Variants in SCLT1 observed in about 807,000 individuals in gnomAD.
SCLT1 encodes the protein sodium channel-associated protein 1.
Under a neutral mutation model 112.8 loss-of-function variants are expected in SCLT1, and 78 were observed. That is an observed-to-expected ratio of 0.69 (90% CI 0.58 to 0.83). The LOEUF (loss-of-function observed/expected upper bound fraction) is 0.83. Among genes scored for constraint, SCLT1 ranks in the 40% least tolerant of loss-of-function variants. SCLT1 has a pLI of 0.00. For synonymous variants in SCLT1, 257 were observed against 254.7 expected, an observed-to-expected ratio of 1.01 and a Z score of -0.09; for missense variants, 747 against 770.4, an observed-to-expected ratio of 0.97 and a Z score of 0.36.
At chr4:128,998,682 A>G (rs1004757922) in intron 7 of SCLT1, among the ~76,000 whole-genome samples, 2 of 151,764 alleles carry the variant, frequency 1.3e-5, no homozygotes, top group Non-Finnish European at 3.0e-5. Context: ...TGGTTTTTAA[A>G]TCTCAGAGGT....
intron 18 of SCLT1, among the ~76,000 whole-genome samples, chr4:128,909,979 TG>T: frequency 6.6e-6 from 1 of 151,736 alleles, no homozygotes; most frequent in South Asian, 2.1e-4. Flanking sequence ...TGGAATAGAG[TG>T]GGGAAAAATT....
chr4:128,922,175 C>T (rs1364515396), intron 18 of SCLT1, among the ~76,000 whole-genome samples: 7 of 151,970 alleles, frequency 4.6e-5, no homozygotes, highest in African/African-American at 1.2e-4. Flanking sequence ...GTGGAGAAAA[C>T]GGAATGCCTA....
intron 18 of SCLT1, among the ~76,000 whole-genome samples, chr4:128,929,163 A>G (rs748655199): frequency 1.3e-5 from 2 of 152,208 alleles, no homozygotes; most frequent in Non-Finnish European, 2.9e-5. Flanking sequence ...AAGTAAGGTC[A>G]CTGGTTAAAG....
chr4:128,890,790 G>A (rs908555944), intron 19 of SCLT1, among the ~76,000 whole-genome samples: 3 of 152,078 alleles, frequency 2.0e-5, no homozygotes, highest in Non-Finnish European at 4.4e-5. Flanking sequence ...AGAATAAAGG[G>A]GATCCTAATA....
chr4:128,934,255 G>A (rs577559767), intron 18 of SCLT1, among the ~76,000 whole-genome samples: 13 of 151,812 alleles, frequency 8.6e-5, no homozygotes, highest in Non-Finnish European at 1.8e-4. Flanking sequence ...ACACAAATGT[G>A]TGTACATATG....
intron 18 of SCLT1, among the ~76,000 whole-genome samples, chr4:128,910,361 C>T (rs771968682): frequency 1.3e-5 from 2 of 152,252 alleles, no homozygotes; most frequent in Admixed American, 6.5e-5. Flanking sequence ...GCTGAACTTG[C>T]TTTGCTATGT....
At chr4:129,030,200 C>T (rs1746575304) in intron 5 of SCLT1, among the ~76,000 whole-genome samples, 1 of 152,132 alleles carries the variant, frequency 6.6e-6, no homozygotes, top group African/African-American at 2.4e-5. Flanking sequence ...ACAACCTGTT[C>T]CTGAATGACT....
intron 8 of SCLT1, among the ~76,000 whole-genome samples, chr4:128,994,565 TTTTA>T (rs1742846500): frequency 6.6e-6 from 1 of 152,106 alleles, no homozygotes; most frequent in Admixed American, 6.6e-5. Flanking sequence ...GTAGTTATAT[TTTTA>T]TTTTTTTGAG....
intron 9 of SCLT1, among the ~76,000 whole-genome samples, chr4:128,983,652 G>T (rs924185919): frequency 6.6e-6 from 1 of 152,078 alleles, no homozygotes. Context: ...GTGAATGAAG[G>T]TTCTTAAGAA....
intron 5 of SCLT1, among the ~76,000 whole-genome samples, chr4:129,031,746 C>T (rs1644075255): frequency 6.6e-6 from 1 of 152,082 alleles, no homozygotes; most frequent in African/African-American, 2.4e-5. Context: ...AGGAATCCAA[C>T]TTACAAGGGA....
chr4:128,955,829 A>G (rs1739171982), intron 13 of SCLT1, among the ~76,000 whole-genome samples: 1 of 152,220 alleles, frequency 6.6e-6, no homozygotes, highest in Admixed American at 6.5e-5. Context: ...TACTTAAAAA[A>G]ATCAACTTGG....
intron 5 of SCLT1, among the ~76,000 whole-genome samples, chr4:129,021,683 A>G (rs1359318358): frequency 3.3e-5 from 5 of 152,206 alleles, no homozygotes; most frequent in African/African-American, 4.8e-5. Flanking sequence ...GGCCCTACAG[A>G]CAAAATCCCC....
chr4:128,878,643 A>T (rs374312026), intron 3 of SCLT1, among the ~76,000 whole-genome samples: 42 of 152,216 alleles, frequency 2.8e-4, no homozygotes, highest in African/African-American at 9.6e-4. Flanking sequence ...GAAATTATGC[A>T]TTATATCACT....
chr4:129,093,358 G>A lies in SCLT1; in HGVS notation c.-255C>T. The A allele has an allele frequency of 1.8e-6, 1 of 557,856 alleles. No individual in the cohort carries two copies. The highest frequency in any genetic ancestry group is 3.2e-6 in the Non-Finnish European group (1 of 311,390). The allele number at this position is 557,856 out of a possible 1,614,324, so 34.6% of individuals were successfully genotyped here. A position where few individuals can be genotyped will look rare whatever the true frequency, so the allele number is the denominator to read the frequency against. ...TCCACGTTCAACCGAATCCCACGCTGGTGGGAAGAGGACGCGGTCGATACA... is the reference window on the plus strand; with the variant it reads ...TCCACGTTCAACCGAATCCCACGCTAGTGGGAAGAGGACGCGGTCGATACA... On this transcript the variant is annotated 5_prime_UTR_variant, in exon 1 of 21. Transcript: ENST00000281142.
chr4:128,904,589 C>T (rs890522558), intron 18 of SCLT1, among the ~76,000 whole-genome samples: 16 of 152,150 alleles, frequency 1.1e-4, no homozygotes, highest in Non-Finnish European at 1.6e-4. Flanking sequence ...TTTATGTCCA[C>T]GTTGTACCAG....
intron 14 of SCLT1, among the ~76,000 whole-genome samples, chr4:128,950,624 A>G (rs550868813): frequency 5.9e-5 from 9 of 152,258 alleles, no homozygotes; most frequent in Admixed American, 5.9e-4. Flanking sequence ...AAGTCTCAAT[A>G]CATATTAAGA....
chr4:128,997,450 T>C (rs759352245), intron 8 of SCLT1, among the ~76,000 whole-genome samples: 8 of 151,954 alleles, frequency 5.3e-5, no homozygotes, highest in East Asian at 3.8e-4. Context: ...GAGAAACTTA[T>C]AGGGAAATTT....
chr4:128,978,006 A>G (rs1032804901), intron 9 of SCLT1, among the ~76,000 whole-genome samples: 1 of 152,200 alleles, frequency 6.6e-6, no homozygotes, highest in African/African-American at 2.4e-5. Flanking sequence ...TCATCTGTAC[A>G]TAGAGCCAAC....
At chr4:129,006,349 C>A (rs1469119363) in intron 5 of SCLT1, among the ~76,000 whole-genome samples, 4 of 151,766 alleles carry the variant, frequency 2.6e-5, no homozygotes, top group Non-Finnish European at 5.9e-5. Flanking sequence ...ACCAGCCTGG[C>A]CAATGTGGTG....
Sources: gnomAD v4.1 joint callset for allele counts (sites outside exome capture counted in the v4.1 genomes callset) on GRCh38, gnomAD v4.1.1 for gene constraint, MANE v1.5 for transcripts, NCBI Gene and HGNC (gene_info 2026-07-23, HGNC 2026-07-21) for gene names.